Variants in CIT observed in about 807,000 individuals in gnomAD.
The protein encoded by CIT is citron Rho-interacting kinase.
In CIT, 79 loss-of-function variants were observed where a neutral mutation model predicts 272.7. The ratio of observed to expected loss-of-function variants is 0.29; its 90% confidence interval spans 0.24 to 0.35. CIT has a LOEUF of 0.35. CIT is among the 10% of genes least tolerant of loss of function. The pLI, the probability that CIT is intolerant of heterozygous loss-of-function variation, is 1.00. For missense variants in CIT, 1,909 were observed against 2,618.3 expected (o/e 0.73, Z 5.91); for synonymous variants, 948 against 995.6 (o/e 0.95, Z 0.90).
intron 43 of CIT, chr12:119,701,119 G>A (rs1484940800): frequency 6.0e-6 from 1 of 165,804 alleles, no homozygotes; most frequent in Non-Finnish European, 1.3e-5. Context: ...AGAGAGAGAG[G>A]GGAATGAAGC....
rs771945743 is a variant in CIT at position 119,772,821 on chromosome 12, C to G, written c.2031G>C (p.Gln677His). Reference sequence around the variant, plus strand: ...TGCCTTCAGAAGAATCCTCTCGGTTCTGCAGCTTCTCCAGCTCCCTCTCGG... The same window carrying G: ...TGCCTTCAGAAGAATCCTCTCGGTTGTGCAGCTTCTCCAGCTCCCTCTCGG... ...ERAERELEKL[Q>H]NREDSSEGIR... The change falls in exon 17 of 48, where the codon CAG becomes CAC. Residue 677 changes from glutamine to histidine, a missense_variant. By Grantham distance (24) the Gln-to-His change is conservative. Transcript: ENST00000392521. The G allele has an allele frequency of 6.2e-7, 1 of 1,614,064 alleles. No homozygotes were observed. Among genetic ancestry groups the G allele is most frequent in the Non-Finnish European group, 8.5e-7 (1 of 1,180,002 alleles).
At chr12:119,700,023 A>C (rs1169205369) in intron 44 of CIT, 1 of 419,786 alleles carries the variant, frequency 2.4e-6, no homozygotes, top group Non-Finnish European at 4.8e-6. Context: ...AAGGATGTTC[A>C]TCGTAGTGTT....
chr12:119,724,798 G>A (rs1162951645), intron 28 of CIT, among the ~76,000 whole-genome samples: 1 of 151,868 alleles, frequency 6.6e-6, no homozygotes, highest in African/African-American at 2.4e-5. Context: ...AATTAGCCGG[G>A]CGTGATAGCA....
chr12:119,772,967 G>T (rs1485007391), intron 16 of CIT, 57 bp from the exon 17 acceptor site: 1 of 1,524,560 alleles, frequency 6.6e-7, no homozygotes, highest in Non-Finnish European at 8.9e-7. Context: ...ATAAAAAGAT[G>T]GTGACAGTAT....
At chr12:119,837,241 T>G (rs1463468690) in intron 5 of CIT, among the ~76,000 whole-genome samples, 1 of 152,180 alleles carries the variant, frequency 6.6e-6, no homozygotes, top group African/African-American at 2.4e-5. Flanking sequence ...TATCCCAAGA[T>G]GTTACCCATA....
chr12:119,830,819 C>A (rs544536177), intron 7 of CIT, among the ~76,000 whole-genome samples: 11 of 152,174 alleles, frequency 7.2e-5, no homozygotes, highest in Non-Finnish European at 1.3e-4. Context: ...ATGTACCTTG[C>A]TTCAATTTAT....
At chr12:119,840,626 G>GT (rs1969346221) in intron 5 of CIT, among the ~76,000 whole-genome samples, 1 of 152,228 alleles carries the variant, frequency 6.6e-6, no homozygotes, top group South Asian at 2.1e-4. Context: ...GAAAAGGCCA[G>GT]TGACTCTGGA....
At chr12:119,864,939 T>C (rs1029099769) in intron 3 of CIT, among the ~76,000 whole-genome samples, 12 of 151,968 alleles carry the variant, frequency 7.9e-5, no homozygotes, top group Non-Finnish European at 1.3e-4. Context: ...TTCCATTTTC[T>C]CTAACAGTCC....
rs914109345 is a variant in CIT, at chr12:119,804,016, T to C, written c.1112-627A>G. The stretch of plus-strand genomic sequence containing the variant: ...TTTTTTTTTTTTAGTTCATTATGCA[T>C]CTTCCCCAGCGCAATCATGCCCATC... On this transcript the variant is annotated intron_variant, in intron 9 of 47. Transcript: ENST00000392521. This position sits in a 1 kb window ranked among gnomAD's most constrained non-coding sequence, Gnocchi z 5.3. The C allele has an allele frequency of 2.8e-4, 83 of 296,740 alleles. No homozygotes were observed. Among genetic ancestry groups the C allele is most frequent in the Non-Finnish European group, 3.9e-4 (79 of 201,218 alleles). The allele number at this position is 296,740 out of a possible 1,614,324, so 18.4% of individuals were successfully genotyped here.
chr12:119,846,343 A>G (rs1969802406), intron 5 of CIT, among the ~76,000 whole-genome samples: 1 of 152,154 alleles, frequency 6.6e-6, no homozygotes, highest in African/African-American at 2.4e-5. Flanking sequence ...TGATGTGAAA[A>G]TCCCAAAGCA....
chr12:119,810,958 G>T (rs1289765914), intron 9 of CIT, among the ~76,000 whole-genome samples: 1 of 152,140 alleles, frequency 6.6e-6, no homozygotes, highest in African/African-American at 2.4e-5. Flanking sequence ...TAAAGCCTCA[G>T]GCAAGCCCTC....
rs190921205 is a variant in CIT at position 119,822,803 on chromosome 12, A to C, written c.1111+17T>G. Reference sequence around the variant, plus strand: ...ATAATCCCAACATCCCAAATTAAGGAAAACAGCCCTACTTACAGTTACGAA... The same window carrying C: ...ATAATCCCAACATCCCAAATTAAGGCAAACAGCCCTACTTACAGTTACGAA... On this transcript the variant is annotated intron_variant, in intron 9 of 47. Coordinates refer to ENST00000392521, the MANE Select transcript of CIT (RefSeq NM_001206999.2). 5.2e-4 allele frequency: 837 copies of C among 1,613,256 alleles called. 2 individuals carry two copies. Among genetic ancestry groups the C allele is most frequent in the Non-Finnish European group, 6.7e-4 (787 of 1,179,738 alleles).
At chr12:119,708,907 C>A (rs907359980) in intron 39 of CIT, among the ~76,000 whole-genome samples, 3 of 152,038 alleles carry the variant, frequency 2.0e-5, no homozygotes, top group African/African-American at 7.2e-5. Context: ...AACATGCTCC[C>A]CAGCAAAGTA....
rs141752971 is a variant in CIT, at chr12:119,698,212, G to A, written c.5624-158C>T. The A allele has an allele frequency of 1.0e-4, 69 of 676,428 alleles. 2 individuals carry two copies. The Middle Eastern group carries it at 1.1e-3, about 11-fold the overall frequency. 41.9% of individuals were successfully genotyped at this position (676,428 alleles called of 1,614,324 possible). A position where few individuals can be genotyped will look rare whatever the true frequency, so the allele number is the denominator to read the frequency against. On this transcript the variant is annotated intron_variant, in intron 44 of 47. Transcript: ENST00000392521. Reference sequence around the variant, plus strand: ...TGCGCCAGAACAGTCATGCATGTTCGAGGATATTCACTGCCGTGTGGTTTG... The same window carrying A: ...TGCGCCAGAACAGTCATGCATGTTCAAGGATATTCACTGCCGTGTGGTTTG...
In CIT at chr12:119,776,750, T is replaced by C; in HGVS notation, c.1758A>G (p.Glu586=). The C allele has an allele frequency of 6.2e-7, 1 of 1,614,098 alleles. No homozygotes were observed. Among genetic ancestry groups the C allele is most frequent in the Non-Finnish European group, 8.5e-7 (1 of 1,180,006 alleles). Residue 586 remains glutamate (E), a synonymous_variant, in exon 14 of 48, where the codon GAA becomes GAG. Transcript: ENST00000392521. ...VSARRRSDLY[E]SELRESRLAA... ...CAAGCCGAGACTCTCTCAGCTCAGA[T>C]TCGTAGAGATCACTCCGTCTTCTTG...
At chr12:119,867,662 A>G (rs1043159236) in intron 3 of CIT, among the ~76,000 whole-genome samples, 1 of 152,138 alleles carries the variant, frequency 6.6e-6, no homozygotes, top group East Asian at 1.9e-4. Context: ...GGCCTCACCC[A>G]TTAACTGACA....
chr12:119,865,551 C>G (rs1011204567), intron 3 of CIT, among the ~76,000 whole-genome samples: 14 of 152,204 alleles, frequency 9.2e-5, no homozygotes, highest in Admixed American at 8.5e-4. Flanking sequence ...TTAACTCATT[C>G]AATTCCAACA....
At chr12:119,868,822 G>A (rs1427501531) in intron 3 of CIT, among the ~76,000 whole-genome samples, 2 of 152,198 alleles carry the variant, frequency 1.3e-5, no homozygotes, top group African/African-American at 2.4e-5. Flanking sequence ...ATAGGTATGA[G>A]CCATTGCACC....
rs1431921407 is a variant in CIT at position 119,862,789 on chromosome 12, G to A, written c.239-5091C>T. Among the ~76,000 whole-genome samples, 179 of 76,712 alleles carry A rather than the reference G, an allele frequency of 2.3e-3. No individual in the cohort carries two copies. The Middle Eastern group carries it at 0.059, about 25-fold the overall frequency. The allele number at this position is 76,712 out of a possible 152,430, so 50.3% of individuals were successfully genotyped here. A position where few individuals can be genotyped will look rare whatever the true frequency, so the allele number is the denominator to read the frequency against. On this transcript the variant is annotated intron_variant, in intron 3 of 47. Transcript: ENST00000392521. ...CGCACCACTGCACTCCAGCCTGGGT[G>A]ACAGAGCAAGACTCTACCTAAAAAA...
Sources: gnomAD v4.1 joint callset for allele counts (sites outside exome capture counted in the v4.1 genomes callset) on GRCh38, gnomAD v4.1.1 for gene constraint, Gnocchi (gnomAD v3.1) non-coding constraint, MANE v1.5 for transcripts, NCBI Gene and HGNC (gene_info 2026-07-23, HGNC 2026-07-21) for gene names.